CFH: variants seen among roughly 807,000 people sequenced by gnomAD.
CFH encodes H factor 1 (complement).
A neutral mutation model predicts 147.3 loss-of-function variants in CFH; 53 were observed. That is an observed-to-expected ratio of 0.36 (90% CI 0.29 to 0.45). The LOEUF (loss-of-function observed/expected upper bound fraction) is 0.45, where lower values mean the gene tolerates loss of function less well. Among genes scored for constraint, CFH ranks in the 20% least tolerant of loss-of-function variants. The pLI, the probability that CFH is intolerant of heterozygous loss-of-function variation, is 1.00. For missense variants in CFH, 1,380 were observed against 1,498.0 expected, an observed-to-expected ratio of 0.92 and a Z score of 1.30; for synonymous variants, 536 against 489.4, an observed-to-expected ratio of 1.10 and a Z score of -1.26.
chr1:196,746,243 AG>A (rs11339120), intron 21 of CFH, among the ~76,000 whole-genome samples: 12,932 of 151,224 alleles, frequency 0.086, 1,779 homozygotes, highest in African/African-American at 0.29. Flanking sequence ...CAGGAGATTG[AG>A]GACCATCCTG....
At chr1:196,719,829 A>G (rs1668956928) in intron 11 of CFH, among the ~76,000 whole-genome samples, 1 of 151,778 alleles carries the variant, frequency 6.6e-6, no homozygotes, top group Non-Finnish European at 1.5e-5. Flanking sequence ...TAACATAAAT[A>G]TTCAGGATAC....
chr1:196,706,626 A>C (rs149634609), intron 9 of CFH, among the ~76,000 whole-genome samples: 193 of 152,366 alleles, frequency 1.3e-3, no homozygotes, highest in African/African-American at 4.5e-3. Context: ...CTGGTGCCCA[A>C]GTATCTTGTG....
intron 9 of CFH, among the ~76,000 whole-genome samples, chr1:196,701,166 G>A (rs924234274): frequency 6.6e-6 from 1 of 152,070 alleles, no homozygotes; most frequent in Non-Finnish European, 1.5e-5. Flanking sequence ...TTTGTGGAGG[G>A]GATCCCTGAA....
At chr1:196,721,369 T>A (rs1292502521) in intron 11 of CFH, among the ~76,000 whole-genome samples, 1 of 152,038 alleles carries the variant, frequency 6.6e-6, no homozygotes, top group African/African-American at 2.4e-5. Context: ...TGAAAATTCT[T>A]TATGATATTG....
intron 9 of CFH, among the ~76,000 whole-genome samples, chr1:196,695,125 T>C (rs12033127): frequency 1.3e-5 from 2 of 151,906 alleles, no homozygotes; most frequent in African/African-American, 4.8e-5. Context: ...TTTTCTATGG[T>C]TTTTATGGTT....
intron 15 of CFH, among the ~76,000 whole-genome samples, chr1:196,728,951 T>C (rs1221527725): frequency 1.4e-5 from 2 of 146,220 alleles, no homozygotes; most frequent in Non-Finnish European, 3.0e-5. Flanking sequence ...TTAATCTATC[T>C]CTCTGTCTAT....
chr1:196,714,121 C>T (rs574234198), intron 10 of CFH, among the ~76,000 whole-genome samples: 16 of 152,052 alleles, frequency 1.1e-4, no homozygotes, highest in African/African-American at 2.9e-4. Flanking sequence ...GCTTTTCCTA[C>T]TCTAAAGCAT....
intron 15 of CFH, among the ~76,000 whole-genome samples, chr1:196,733,411 G>A (rs767273013): frequency 6.6e-5 from 10 of 152,062 alleles, no homozygotes; most frequent in Non-Finnish European, 1.3e-4. Context: ...ATGGAGACTG[G>A]TATTTTTCTA....
chr1:196,693,389 C>T (rs559100292), intron 9 of CFH, among the ~76,000 whole-genome samples: 2 of 152,184 alleles, frequency 1.3e-5, no homozygotes, highest in South Asian at 2.1e-4. Context: ...TGAAGATAGA[C>T]AGAGTAGTCT....
intron 15 of CFH, 69 bp downstream of exon 15, chr1:196,728,591 C>T: frequency 6.9e-7 from 1 of 1,450,548 alleles, no homozygotes; most frequent in Non-Finnish European, 9.6e-7. Flanking sequence ...GTATGTGTGT[C>T]TTTTAAAAAC....
At chr1:196,678,992 C>T (rs867530401) in intron 5 of CFH, 1 of 152,386 alleles carries the variant, frequency 6.6e-6, no homozygotes, top group South Asian at 2.1e-4. Flanking sequence ...TACGATGTGT[C>T]TACCTGAGAG....
intron 9 of CFH, among the ~76,000 whole-genome samples, chr1:196,708,349 G>T (rs1297104477): frequency 1.3e-5 from 2 of 152,078 alleles, no homozygotes; most frequent in Non-Finnish European, 2.9e-5. Context: ...CTACTTTCCA[G>T]GTCCAAGTAA....
At chr1:196,717,014 G>T (rs1015484093) in intron 11 of CFH, among the ~76,000 whole-genome samples, 1 of 151,892 alleles carries the variant, frequency 6.6e-6, no homozygotes, top group Non-Finnish European at 1.5e-5. Flanking sequence ...ATGAAGCCCT[G>T]AAACATTACC....
chr1:196,666,606 G>T (rs1377659848), intron 1 of CFH, among the ~76,000 whole-genome samples: 1 of 151,396 alleles, frequency 6.6e-6, no homozygotes, highest in Non-Finnish European at 1.5e-5. Flanking sequence ...AGACCATCCT[G>T]GCTAACACGG....
intron 2 of CFH, 27 bp downstream of exon 2, chr1:196,673,190 T>A (rs750524702): frequency 1.9e-6 from 3 of 1,581,344 alleles, no homozygotes; most frequent in Admixed American, 3.3e-5. Flanking sequence ...TTTGTGAAAT[T>A]TATGAAAACT....
chr1:196,717,114 T>C (rs934848795), intron 11 of CFH, among the ~76,000 whole-genome samples: 1 of 151,988 alleles, frequency 6.6e-6, no homozygotes, highest in African/African-American at 2.4e-5. Flanking sequence ...AAATCTAGAA[T>C]GTTGCCATAG....
chr1:196,706,912 T>G (rs1018196826), intron 9 of CFH, among the ~76,000 whole-genome samples: 6 of 152,106 alleles, frequency 3.9e-5, no homozygotes, highest in African/African-American at 1.4e-4. Flanking sequence ...TGCTTGTATT[T>G]TTAGATACAT....
chr1:196,709,439 C>T (rs531791009), intron 9 of CFH, among the ~76,000 whole-genome samples: 37 of 152,086 alleles, frequency 2.4e-4, no homozygotes, highest in African/African-American at 5.6e-4. Context: ...CTCTGTGCCC[C>T]GTGTCAGCAA....
intron 15 of CFH, among the ~76,000 whole-genome samples, chr1:196,730,977 T>A (rs995622112): frequency 6.6e-6 from 1 of 151,846 alleles, no homozygotes; most frequent in Admixed American, 6.6e-5. Context: ...TACAGTGAAG[T>A]AAGTCAATTG....
Sources: allele counts gnomAD v4.1 joint callset (sites outside exome capture counted in the v4.1 genomes callset), GRCh38; gene constraint gnomAD v4.1.1; transcripts MANE v1.5; gene names NCBI Gene and HGNC (gene_info 2026-07-23, HGNC 2026-07-21).